AMZ1: variants seen among roughly 807,000 people sequenced by gnomAD.
AMZ1 encodes archaelysin family metallopeptidase 1.
Under a neutral mutation model 29.9 loss-of-function variants are expected in AMZ1, and 39 were observed. The ratio of observed to expected loss-of-function variants is 1.30; its 90% CI spans 1.01 to 1.70. The LOEUF is 1.70. Ranked by LOEUF, AMZ1 falls within the 40% of genes most tolerant of loss-of-function variation. The pLI, the probability that AMZ1 is intolerant of heterozygous loss-of-function variation, is 0.00. For synonymous variants in AMZ1, 458 were observed against 304.0 expected, an observed-to-expected ratio of 1.51 and a Z score of -5.27; for missense variants, 1,041 against 680.6, an observed-to-expected ratio of 1.53 and a Z score of -5.89.
intron 4 of AMZ1, among the ~76,000 whole-genome samples, chr7:2,735,799 T>C (rs952656254): frequency 6.6e-6 from 1 of 152,004 alleles, no homozygotes; most frequent in Non-Finnish European, 1.5e-5. Context: ...GGCGGCCTCA[T>C]CTCGAGAAAC....
intron 4 of AMZ1, among the ~76,000 whole-genome samples, chr7:2,750,188 T>A (rs1790963332): frequency 6.6e-6 from 1 of 152,174 alleles, no homozygotes. Flanking sequence ...ACTCCCATCC[T>A]CACAGCAGCG....
intron 6 of AMZ1, among the ~76,000 whole-genome samples, chr7:2,711,368 G>A (rs1788764173): frequency 6.6e-6 from 1 of 152,230 alleles, no homozygotes; most frequent in African/African-American, 2.4e-5. Flanking sequence ...CTGACTTGTT[G>A]TGGTCTCTGC....
chr7:2,743,404 G>C lies in AMZ1; in HGVS notation n.551-21308G>C, dbSNP rs1790606110. ...AAAATATGGAAGATATTCATCATCA[G>C]GGGCAAAAACAATCAGAAGTTATCA... On this transcript the variant is annotated intron_variant and non_coding_transcript_variant, in intron 4 of 4. Coordinates refer to the AMZ1 transcript ENST00000489665. Among the ~76,000 whole-genome samples, 3 of 150,194 alleles carry C rather than the reference G, an allele frequency of 2.0e-5. No homozygotes were observed. The South Asian group carries it at 6.2e-4, about 31-fold the overall frequency.
chr7:2,685,281 G>A (rs1243002489), upstream of AMZ1, among the ~76,000 whole-genome samples: 1 of 151,746 alleles, frequency 6.6e-6, no homozygotes, highest in East Asian at 1.9e-4. Context: ...ATTCAGGCCA[G>A]GCTCGGTGGC....
chr7:2,703,963 A>G (rs572772544), intron 3 of AMZ1, among the ~76,000 whole-genome samples: 13 of 152,208 alleles, frequency 8.5e-5, no homozygotes, highest in African/African-American at 3.1e-4. Context: ...ATCTCGGCTC[A>G]TGGCAAGCTC....
chr7:2,704,287 G>C (rs890028070), intron 3 of AMZ1, among the ~76,000 whole-genome samples: 1 of 152,182 alleles, frequency 6.6e-6, no homozygotes, highest in African/African-American at 2.4e-5. Context: ...AGGATAGCTT[G>C]ACAGCAGGTG....
upstream of AMZ1, among the ~76,000 whole-genome samples, chr7:2,685,052 G>C (rs933849178): frequency 6.6e-6 from 1 of 151,554 alleles, no homozygotes; most frequent in Non-Finnish European, 1.5e-5. Flanking sequence ...TGTATCTTTA[G>C]TAAAGATGGA....
At chr7:2,731,000 T>G in intron 4 of AMZ1, 1 of 533,354 alleles carries the variant, frequency 1.9e-6, no homozygotes, top group South Asian at 3.0e-5. Context: ...AACGTGACAG[T>G]TTCCATGTCC....
intron 4 of AMZ1, among the ~76,000 whole-genome samples, chr7:2,726,266 G>C (rs1388348175): frequency 6.6e-6 from 1 of 152,166 alleles, no homozygotes; most frequent in Non-Finnish European, 1.5e-5. Context: ...GCAGGTTGCT[G>C]GCCACAGTGA....
chr7:2,693,177 C>T (rs1328265433), intron 1 of AMZ1, among the ~76,000 whole-genome samples: 2 of 152,208 alleles, frequency 1.3e-5, no homozygotes, highest in East Asian at 3.9e-4. Flanking sequence ...TTTCGGCTCA[C>T]CGCAACCTCC....
intron 1 of AMZ1, among the ~76,000 whole-genome samples, chr7:2,698,427 A>T (rs570618991): frequency 2.0e-5 from 3 of 152,004 alleles, no homozygotes; most frequent in Non-Finnish European, 4.4e-5. Context: ...AATCCCAGCC[A>T]CTTGGGAGGC....
downstream of AMZ1, among the ~76,000 whole-genome samples, chr7:2,724,395 A>T (rs1392050304): frequency 6.6e-6 from 1 of 152,234 alleles, no homozygotes; most frequent in East Asian, 1.9e-4. Context: ...CAGCTTTTAA[A>T]ATCACAGAAT....
intron 4 of AMZ1, among the ~76,000 whole-genome samples, chr7:2,732,975 G>A (rs779658329): frequency 2.6e-5 from 4 of 152,124 alleles, no homozygotes; most frequent in Non-Finnish European, 4.4e-5. Flanking sequence ...TTGACATTAC[G>A]GAATTACTGC....
chr7:2,702,845 C>G lies in AMZ1; in HGVS notation c.428C>G (p.Ser143Cys). The G allele has an allele frequency of 6.3e-7, 1 of 1,582,098 alleles. No individual in the cohort carries two copies. The highest frequency in any genetic ancestry group is 8.5e-7 in the Non-Finnish European group (1 of 1,169,944). The stretch of plus-strand genomic sequence containing the variant: ...GTGGCAGCCGCGTCCATCCGCTGCT[C>G]CTCGCGGCCCAGCCGGGACTCTGAC... Reference protein sequence around the residue: ...PSVAAASIRCSSRPSRDSDRL... With the variant: ...PSVAAASIRCCSRPSRDSDRL... Residue 143 changes from serine (S) to cysteine (C), a missense_variant, in exon 3 of 7, where the codon TCC becomes TGC. Coordinates refer to ENST00000683327, the MANE Select transcript of AMZ1 (RefSeq NM_001384743.1).
At chr7:2,706,524 CAG>C (rs1788363514) in intron 3 of AMZ1, among the ~76,000 whole-genome samples, 1 of 152,256 alleles carries the variant, frequency 6.6e-6, no homozygotes, top group Non-Finnish European at 1.5e-5. Context: ...CACGTGGTCT[CAG>C]AAGGCTCCGT....
chr7:2,743,747 A>G (rs984232401), intron 4 of AMZ1, among the ~76,000 whole-genome samples: 1 of 152,206 alleles, frequency 6.6e-6, no homozygotes, highest in Non-Finnish European at 1.5e-5. Flanking sequence ...GGGAAGCGCA[A>G]GGGGTCAGGG....
intron 4 of AMZ1, chr7:2,733,543 GGAATC>G: frequency 2.0e-6 from 3 of 1,521,696 alleles, no homozygotes; most frequent in Non-Finnish European, 2.7e-6. Context: ...TCTGGACTGA[GGAATC>G]CTGATGTGGC....
Position 2,744,788 on chromosome 7 carries a change from G to A in AMZ1, n.551-19924G>A, listed in dbSNP as rs530442823. ...AACTTTGAAAAAAAATTAGACAAATGGATAACTAGAATAACCAATGCAGAG... is the reference window on the plus strand; with the variant it reads ...AACTTTGAAAAAAAATTAGACAAATAGATAACTAGAATAACCAATGCAGAG... On this transcript the variant is annotated intron_variant and non_coding_transcript_variant, in intron 4 of 4. Coordinates refer to the AMZ1 transcript ENST00000489665. Among the ~76,000 whole-genome samples, 77 of 152,248 alleles carry A rather than the reference G, an allele frequency of 5.1e-4. 1 individual carries two copies. Among genetic ancestry groups the A allele is most frequent in the Middle Eastern group, 3.4e-3 (1 of 294 alleles).
intron 4 of AMZ1, among the ~76,000 whole-genome samples, chr7:2,743,259 T>G (rs1790599597): frequency 6.6e-6 from 1 of 152,174 alleles, no homozygotes; most frequent in Admixed American, 6.5e-5. Context: ...AGTTGGCAGT[T>G]TGGGTCTCAC....
Sources: allele counts gnomAD v4.1 joint callset (sites outside exome capture counted in the v4.1 genomes callset), GRCh38; gene constraint gnomAD v4.1.1; transcripts MANE v1.5; gene names NCBI Gene and HGNC (gene_info 2026-07-23, HGNC 2026-07-21).